The following SARNP variants were observed in gnomAD, a reference collection of about 807,000 sequenced individuals.
SARNP encodes the protein SAP domain containing ribonucleoprotein.
SARNP carries 5 observed loss-of-function variants against 38.1 expected under a neutral mutation model. The ratio of observed to expected loss-of-function variants is 0.13; its 90% CI spans 0.07 to 0.28. The LOEUF is 0.28. Among genes scored for constraint, SARNP ranks in the 10% least tolerant of loss-of-function variants. SARNP has a pLI of 1.00. For synonymous variants in SARNP, 84 were observed against 80.6 expected (o/e 1.04, Z -0.23); for missense variants, 180 against 243.9 (o/e 0.74, Z 1.75).
intron 7 of SARNP, chr12:55,793,429 G>A (rs112211437): frequency 3.9e-5 from 6 of 151,914 alleles, no homozygotes; most frequent in African/African-American, 7.2e-5. Flanking sequence ...GAATACAGTC[G>A]TCCCTCCATT....
chr12:55,768,210 C>T (rs1242517690), intron 9 of SARNP, among the ~76,000 whole-genome samples: 1 of 152,150 alleles, frequency 6.6e-6, no homozygotes, highest in African/African-American at 2.4e-5. Context: ...ACTGCAACCT[C>T]CGCCTCCCGG....
intron 2 of SARNP, 71 bp from the exon 3 acceptor site, chr12:55,800,971 T>G (rs1879963094): frequency 7.8e-7 from 1 of 1,282,192 alleles, no homozygotes; most frequent in East Asian, 2.3e-5. Flanking sequence ...AAGGTTAAAA[T>G]TATAATCACT....
At chr12:55,757,651 G>A (rs988755889) in intron 10 of SARNP, 98 bp from the exon 11 acceptor site, 8 of 861,362 alleles carry the variant, frequency 9.3e-6, no homozygotes, top group Non-Finnish European at 1.4e-5. Context: ...CTGTCACAAG[G>A]CCCGAGAAGG....
In SARNP at chr12:55,757,440, G is replaced by A; in HGVS notation, c.*72C>T. On this transcript the variant is annotated 3_prime_UTR_variant, in exon 11 of 11. Coordinates refer to ENST00000336133, the MANE Select transcript of SARNP (RefSeq NM_033082.4). The stretch of plus-strand genomic sequence containing the variant: ...ACGTAGGCACATGACTGTGCATTTA[G>A]GCATATATGTGACCAAGAAGAAGGA... 1 of 1,338,548 alleles carries A rather than the reference G, an allele frequency of 7.5e-7. No homozygotes were observed. Among genetic ancestry groups the A allele is most frequent in the South Asian group, 1.3e-5 (1 of 77,972 alleles). The allele number at this position is 1,338,548 out of a possible 1,614,324, so 82.9% of individuals were successfully genotyped here.
chr12:55,789,018 G>T, intron 9 of SARNP, 57 bp downstream of exon 9: 1 of 1,147,568 alleles, frequency 8.7e-7, no homozygotes, highest in East Asian at 2.4e-5. Flanking sequence ...AGCCTATGTA[G>T]TTCCCATAAG....
intron 1 of SARNP, among the ~76,000 whole-genome samples, chr12:55,805,456 T>C (rs1420637189): frequency 1.3e-5 from 2 of 151,348 alleles, no homozygotes; most frequent in Non-Finnish European, 3.0e-5. Context: ...TCACGCCTGT[T>C]ATCCCAGCAC....
intron 9 of SARNP, among the ~76,000 whole-genome samples, chr12:55,773,826 C>T (rs908842707): frequency 6.6e-6 from 1 of 152,018 alleles, no homozygotes; most frequent in African/African-American, 2.4e-5. Flanking sequence ...ATTCTCCTGC[C>T]TCAGCCTCCT....
At chr12:55,770,799 C>T (rs1176246365) in intron 9 of SARNP, among the ~76,000 whole-genome samples, 8 of 152,140 alleles carry the variant, frequency 5.3e-5, no homozygotes, top group Non-Finnish European at 1.2e-4. Context: ...TCAAAACTTA[C>T]TAATTTTATC....
chr12:55,788,776 G>A (rs1041479620), intron 9 of SARNP, among the ~76,000 whole-genome samples: 2 of 152,080 alleles, frequency 1.3e-5, no homozygotes, highest in Non-Finnish European at 2.9e-5. Context: ...CTCCAGCCTG[G>A]GCAACAGAAT....
rs1317996356 is a variant in SARNP, at chr12:55,766,605, GGTTTTTTTGGCGGGGGGGGGGGGGGGGTT to G, written c.502-5994_502-5966del. 2.3e-5 allele frequency among the ~76,000 whole-genome samples: 3 copies of G among 128,802 alleles called. No individual in the cohort carries two copies. In the East Asian group the frequency reaches 7.0e-4, roughly 30 times the overall value. The allele number at this position is 128,802 out of a possible 152,430, so 84.5% of individuals were successfully genotyped here. A position where few individuals can be genotyped will look rare whatever the true frequency, so the allele number is the denominator to read the frequency against. On this transcript the variant is annotated intron_variant, in intron 9 of 10. Coordinates refer to ENST00000336133, the MANE Select transcript of SARNP (RefSeq NM_033082.4). ...GAAAGCATAGTCTATATATTTTGTG[GGTTTTTTTGGCGGGGGGGGGGGGGGGGTT>G]GTTTTTTTGAGACAGTCTCACTCTG...
At chr12:55,787,106 T>C (rs985009340) in intron 9 of SARNP, among the ~76,000 whole-genome samples, 5 of 151,310 alleles carry the variant, frequency 3.3e-5, no homozygotes, top group African/African-American at 7.3e-5. Context: ...GTGGCACACA[T>C]CTGTGGTCCC....
At chr12:55,799,348 A>G (rs780270939) in intron 4 of SARNP, among the ~76,000 whole-genome samples, 1 of 152,192 alleles carries the variant, frequency 6.6e-6, no homozygotes, top group Non-Finnish European at 1.5e-5. Flanking sequence ...ATGGCCAGAC[A>G]TTTGTGGAAA....
intron 1 of SARNP, among the ~76,000 whole-genome samples, chr12:55,810,341 G>A (rs776944332): frequency 6.6e-6 from 1 of 152,010 alleles, no homozygotes; most frequent in Non-Finnish European, 1.5e-5. Flanking sequence ...TTAAACTCCT[G>A]GGCTCAAGTG....
intron 1 of SARNP, among the ~76,000 whole-genome samples, chr12:55,806,578 A>G (rs1374575479): frequency 6.6e-6 from 1 of 151,290 alleles, no homozygotes; most frequent in Non-Finnish European, 1.5e-5. Context: ...TAAAGGAAAA[A>G]AAAAATTTCT....
At chr12:55,781,219 C>CT (rs1468572142) in intron 9 of SARNP, among the ~76,000 whole-genome samples, 2 of 152,212 alleles carry the variant, frequency 1.3e-5, no homozygotes, top group African/African-American at 4.8e-5. Flanking sequence ...TTTGAATTGA[C>CT]TTTGTCTCAG....
rs1366599434 is a variant in SARNP, at chr12:55,794,872, C to T, written c.312G>A (p.Gln104=). The change falls in exon 6 of 11, where the codon CAG becomes CAA. Residue 104 remains glutamine, a synonymous_variant. Transcript: ENST00000336133. ...GTACATTGAATCGTTCAGCCCTCTT[C>T]TGCATTCTCTAAGTAAAAATAGACA... ...TSEIPQTERM[Q]KRAERFNVPV... The T allele has an allele frequency of 1.9e-5, 30 of 1,550,616 alleles. No individual in the cohort carries two copies. The highest frequency in any genetic ancestry group is 2.4e-5 in the Non-Finnish European group (27 of 1,140,024).
intron 2 of SARNP, among the ~76,000 whole-genome samples, chr12:55,801,317 C>T (rs1879973778): frequency 6.6e-6 from 1 of 151,992 alleles, no homozygotes; most frequent in Admixed American, 6.6e-5. Context: ...GGGGTGTGCG[C>T]CTATAGTCTT....
intron 9 of SARNP, among the ~76,000 whole-genome samples, chr12:55,771,349 GAATTTGAACTCAGT>G (rs1314813037): frequency 7.2e-5 from 11 of 152,286 alleles, no homozygotes; most frequent in African/African-American, 2.6e-4. Context: ...GCATCATTAG[GAATTTGAACTCAGT>G]AATTCCCAAG....
chr12:55,753,897 T>C (rs1345918734), downstream of SARNP: 4 of 151,694 alleles, frequency 2.6e-5, no homozygotes, highest in Non-Finnish European at 5.9e-5. Context: ...CAGTGTGCTA[T>C]AATTGGGCCT....
Sources: allele counts gnomAD v4.1 joint callset (sites outside exome capture counted in the v4.1 genomes callset), GRCh38; gene constraint gnomAD v4.1.1; transcripts MANE v1.5; gene names NCBI Gene and HGNC (gene_info 2026-07-23, HGNC 2026-07-21).